Variants in BAIAP2L1 observed in about 807,000 individuals in gnomAD.
BAIAP2L1 encodes BAR/IMD domain-containing adapter protein 2-like 1.
In BAIAP2L1, 35 loss-of-function variants were observed where a neutral mutation model predicts 66.3. That is an observed-to-expected ratio of 0.53 (90% CI 0.40 to 0.70). The LOEUF (loss-of-function observed/expected upper bound fraction) is 0.70, where lower values mean the gene tolerates loss of function less well. Ranked by LOEUF, BAIAP2L1 falls within the 30% of genes least tolerant of loss-of-function variation. The pLI is 0.00. For synonymous variants in BAIAP2L1, 269 were observed against 248.7 expected, an observed-to-expected ratio of 1.08 and a Z score of -0.77; for missense variants, 622 against 656.9, an observed-to-expected ratio of 0.95 and a Z score of 0.58.
At chr7:98,358,843 A>G (rs191331423) in intron 2 of BAIAP2L1, among the ~76,000 whole-genome samples, 18 of 152,216 alleles carry the variant, frequency 1.2e-4, no homozygotes, top group East Asian at 7.7e-4. Context: ...TTTTACAGTA[A>G]TGGCCTTCCA....
chr7:98,394,262 A>C (rs75862648), intron 1 of BAIAP2L1, among the ~76,000 whole-genome samples: 1 of 48,518 alleles, frequency 2.1e-5, no homozygotes, highest in Non-Finnish European at 4.7e-5. Flanking sequence ...AACAAACAAA[A>C]AAACCCACAC....
At chr7:98,348,569 C>CAA (rs752966671) in intron 3 of BAIAP2L1, among the ~76,000 whole-genome samples, 6 of 109,820 alleles carry the variant, frequency 5.5e-5, no homozygotes, top group East Asian at 3.0e-4. Flanking sequence ...TCTGCCTCCA[C>CAA]AAAAAAAAAA....
At chr7:98,368,488 C>CGACA (rs1481948281) in intron 1 of BAIAP2L1, among the ~76,000 whole-genome samples, 4 of 151,894 alleles carry the variant, frequency 2.6e-5, no homozygotes, top group Non-Finnish European at 1.5e-5. Flanking sequence ...GTCAGAAGAT[C>CGACA]GACACCATTC....
intron 3 of BAIAP2L1, among the ~76,000 whole-genome samples, chr7:98,353,455 T>C (rs921480450): frequency 1.0e-4 from 14 of 136,054 alleles, no homozygotes; most frequent in African/African-American, 3.8e-4. Flanking sequence ...TATACATACA[T>C]ATTTATATTA....
At chr7:98,349,855 G>C (rs555195901) in intron 3 of BAIAP2L1, among the ~76,000 whole-genome samples, 1 of 152,054 alleles carries the variant, frequency 6.6e-6, no homozygotes, top group Non-Finnish European at 1.5e-5. Flanking sequence ...TTGGGAGTTC[G>C]AGACCAGCCT....
intron 3 of BAIAP2L1, among the ~76,000 whole-genome samples, chr7:98,325,543 T>G (rs778080736): frequency 6.6e-6 from 1 of 151,932 alleles, no homozygotes; most frequent in Admixed American, 6.6e-5. Flanking sequence ...CCGGGCTTGG[T>G]GGCGCGTGCC....
At chr7:98,393,796 T>C (rs779011127) in intron 1 of BAIAP2L1, among the ~76,000 whole-genome samples, 3 of 147,324 alleles carry the variant, frequency 2.0e-5, no homozygotes, top group Non-Finnish European at 4.5e-5. Flanking sequence ...ATGTAACTTT[T>C]CTTGAAAATG....
rs1802060683 is a variant in BAIAP2L1, at chr7:98,353,871, A to C, written c.214+1171T>G. 2.0e-5 allele frequency among the ~76,000 whole-genome samples: 3 copies of C among 150,862 alleles called. No individual in the cohort carries two copies. The South Asian group carries it at 6.2e-4, about 31-fold the overall frequency. On this transcript the variant is annotated intron_variant, in intron 3 of 13. Transcript: ENST00000005260. Reference sequence around the variant, plus strand: ...CAGCTACTTAGGAGGCTGAGGCAGGAGAATTGCTTGAACCTGGGCAGCAGA... The same window carrying C: ...CAGCTACTTAGGAGGCTGAGGCAGGCGAATTGCTTGAACCTGGGCAGCAGA...
intron 8 of BAIAP2L1, among the ~76,000 whole-genome samples, chr7:98,310,803 C>T (rs554456360): frequency 4.6e-5 from 7 of 152,110 alleles, no homozygotes; most frequent in African/African-American, 1.7e-4. Context: ...TCTTGTGCCT[C>T]AGCCTCTTGA....
At chr7:98,329,422 A>G (rs1801444467) in intron 3 of BAIAP2L1, among the ~76,000 whole-genome samples, 1 of 152,138 alleles carries the variant, frequency 6.6e-6, no homozygotes, top group Non-Finnish European at 1.5e-5. Flanking sequence ...TGCAAACTTC[A>G]GGGGGTCAGT....
chr7:98,387,398 C>T (rs1411999799), intron 1 of BAIAP2L1, among the ~76,000 whole-genome samples: 1 of 152,160 alleles, frequency 6.6e-6, no homozygotes, highest in Non-Finnish European at 1.5e-5. Context: ...TCAGCCCGTA[C>T]CTAACAGGTG....
At chr7:98,370,034 C>T (rs1200456727) in intron 1 of BAIAP2L1, among the ~76,000 whole-genome samples, 3 of 151,726 alleles carry the variant, frequency 2.0e-5, no homozygotes, top group Non-Finnish European at 2.9e-5. Context: ...ATACGAAGAA[C>T]AACAAATGAA....
chr7:98,327,977 G>A lies in BAIAP2L1; in HGVS notation c.215-7679C>T, dbSNP rs564301667. Among the ~76,000 whole-genome samples the A allele has an allele frequency of 3.3e-5, 5 of 151,398 alleles. No individual in the cohort carries two copies. The South Asian group carries it at 1.0e-3, about 32-fold the overall frequency. On this transcript the variant is annotated intron_variant, in intron 3 of 13. Transcript: ENST00000005260. ...GAGAGACATGGCTGAAGACTTGGAG[G>A]TGAAAAGCCAAAAAGAGCTGCAAGC...
Position 98,304,351 on chromosome 7 carries a change from T to G in BAIAP2L1, c.1267A>C (p.Thr423Pro). The change falls in exon 12 of 14, where the codon ACC becomes CCC. Residue 423 changes from threonine (T) to proline (P), a missense_variant. Transcript: ENST00000005260. ...CTGCTATTCTCAGACAAGTTCACGGTGCTGATGCTTCTCACTGGTGTGGGG... is the reference window on the plus strand; with the variant it reads ...CTGCTATTCTCAGACAAGTTCACGGGGCTGATGCTTCTCACTGGTGTGGGG... The part of the protein sequence containing the change: ...PSPTPVRSIS[T>P]VNLSENSSVV... 1 of 1,613,616 alleles carries G rather than the reference T, an allele frequency of 6.2e-7. No individual in the cohort carries two copies. The highest frequency in any genetic ancestry group is 8.5e-7 in the Non-Finnish European group (1 of 1,179,762).
intron 1 of BAIAP2L1, among the ~76,000 whole-genome samples, chr7:98,390,000 C>A (rs1802993233): frequency 7.9e-6 from 1 of 126,634 alleles, no homozygotes; most frequent in Non-Finnish European, 1.9e-5. Context: ...ACTGCAAGCT[C>A]CGCCTCCCGG....
chr7:98,399,261 CTG>C (rs1803291725), intron 1 of BAIAP2L1, among the ~76,000 whole-genome samples: 1 of 152,194 alleles, frequency 6.6e-6, no homozygotes, highest in Non-Finnish European at 1.5e-5. Flanking sequence ...GCTGTGTCAA[CTG>C]TGTCTACTCT....
At chr7:98,356,138 C>A (rs1487218012) in intron 2 of BAIAP2L1, among the ~76,000 whole-genome samples, 1 of 152,148 alleles carries the variant, frequency 6.6e-6, no homozygotes, top group Non-Finnish European at 1.5e-5. Context: ...ATGTAACCTC[C>A]AGGGGCAAAT....
chr7:98,366,162 G>C (rs764897832), intron 1 of BAIAP2L1, among the ~76,000 whole-genome samples: 1 of 152,074 alleles, frequency 6.6e-6, no homozygotes, highest in African/African-American at 2.4e-5. Context: ...GTCAGCTTTC[G>C]CAGTCAGGAA....
intron 1 of BAIAP2L1, chr7:98,386,713 T>TTTTTG: frequency 1.3e-6 from 1 of 760,804 alleles, no homozygotes; most frequent in Non-Finnish European, 2.0e-6. Flanking sequence ...TTTTTTTTTT[T>TTTTTG]TTTTGGTGAC....
Sources: gnomAD v4.1 joint callset for allele counts (sites outside exome capture counted in the v4.1 genomes callset) on GRCh38, gnomAD v4.1.1 for gene constraint, MANE v1.5 for transcripts, NCBI Gene and HGNC (gene_info 2026-07-23, HGNC 2026-07-21) for gene names.